Variants in PPIP5K2 observed in about 807,000 individuals in gnomAD.
The protein encoded by PPIP5K2 is inositol hexakisphosphate and diphosphoinositol-pentakisphosphate kinase 2.
Under a neutral mutation model 154.6 loss-of-function variants are expected in PPIP5K2, and 105 were observed. The observed-to-expected ratio is 0.68, with a 90% CI of 0.58 to 0.80. The LOEUF (loss-of-function observed/expected upper bound fraction) is 0.80. PPIP5K2 is among the 30% of genes least tolerant of loss of function. PPIP5K2 has a pLI of 0.00. For missense variants in PPIP5K2, 992 were observed against 1,504.6 expected, an observed-to-expected ratio of 0.66 and a Z score of 5.64; for synonymous variants, 480 against 490.3, an observed-to-expected ratio of 0.98 and a Z score of 0.28.
intron 1 of PPIP5K2, among the ~76,000 whole-genome samples, chr5:103,126,372 T>C (rs2149440295): frequency 6.6e-6 from 1 of 152,058 alleles, no homozygotes; most frequent in East Asian, 1.9e-4. Context: ...TTCATACCCT[T>C]GGGAAAAAAA....
chr5:103,176,230 C>A (rs1049478037), intron 21 of PPIP5K2, among the ~76,000 whole-genome samples: 1 of 151,852 alleles, frequency 6.6e-6, no homozygotes, highest in African/African-American at 2.4e-5. Flanking sequence ...TTAGAGAAGA[C>A]CTAGCAAAAT....
rs1172392531 is a variant in PPIP5K2, at chr5:103,205,739, A to C, written c.*4105A>C. 3 of 152,182 alleles carry C rather than the reference A, an allele frequency of 2.0e-5. No homozygotes were observed. Among genetic ancestry groups the C allele is most frequent in the African/African-American group, 7.2e-5 (3 of 41,450 alleles). 9.4% of individuals were successfully genotyped at this position (152,182 alleles called of 1,614,324 possible). On this transcript the variant is annotated 3_prime_UTR_variant, in exon 31 of 31. Coordinates refer to ENST00000358359, the MANE Select transcript of PPIP5K2 (RefSeq NM_001276277.3). Reference sequence around the variant, plus strand: ...TATGTTTTCTGGTGCATATAAATTCATGAATGCTAGATTTTCATTATAGGT... The same window carrying C: ...TATGTTTTCTGGTGCATATAAATTCCTGAATGCTAGATTTTCATTATAGGT...
At chr5:103,183,551 T>A in intron 25 of PPIP5K2, 144 bp downstream of exon 25, 1 of 670,962 alleles carries the variant, frequency 1.5e-6, no homozygotes. Context: ...TAAAAATACT[T>A]AATGATATCT....
chr5:103,167,139 G>A (rs1797258124), intron 17 of PPIP5K2, 40 bp from the exon 18 acceptor site: 5 of 1,413,904 alleles, frequency 3.5e-6, no homozygotes, highest in Admixed American at 2.4e-5. Context: ...AGACAATTAG[G>A]CATAACCAGA....
At chr5:103,162,672 T>A (rs1252251943) in intron 17 of PPIP5K2, among the ~76,000 whole-genome samples, 2 of 152,172 alleles carry the variant, frequency 1.3e-5, no homozygotes, top group Non-Finnish European at 2.9e-5. Flanking sequence ...CAATAATATC[T>A]TTTGATAAGC....
chr5:103,197,860 G>C (rs1392853712), intron 30 of PPIP5K2, among the ~76,000 whole-genome samples: 3 of 151,534 alleles, frequency 2.0e-5, no homozygotes, highest in Non-Finnish European at 4.4e-5. Context: ...TTACAGGTGT[G>C]AGCCACCGCA....
At chr5:103,158,036 A>G (rs933138994) in intron 14 of PPIP5K2, 152 bp from the exon 15 acceptor site, 1 of 773,968 alleles carries the variant, frequency 1.3e-6, no homozygotes, top group Non-Finnish European at 2.0e-6. Flanking sequence ...AACGGCATTA[A>G]GGAACATACA....
At chr5:103,121,241 A>G (rs1167451455) in intron 1 of PPIP5K2, among the ~76,000 whole-genome samples, 3 of 152,214 alleles carry the variant, frequency 2.0e-5, no homozygotes, top group African/African-American at 7.2e-5. Context: ...AATGAAATAG[A>G]TAATTTTTTT....
At chr5:103,188,903 A>G (rs1338866901) in intron 28 of PPIP5K2, 1 of 337,504 alleles carries the variant, frequency 3.0e-6, no homozygotes, top group Admixed American at 4.7e-5. Flanking sequence ...AATGCACATA[A>G]GGTGCATTCT....
At chr5:103,195,992 A>T (rs1554228398) in intron 30 of PPIP5K2, among the ~76,000 whole-genome samples, 1 of 152,188 alleles carries the variant, frequency 6.6e-6, no homozygotes, top group South Asian at 2.1e-4. Flanking sequence ...TCGGGTTAAT[A>T]GTACCTTCTT....
chr5:103,145,614 T>C lies in PPIP5K2; in HGVS notation c.488-913T>C, dbSNP rs1379948528. Among the ~76,000 whole-genome samples, 3 of 151,970 alleles carry C rather than the reference T, an allele frequency of 2.0e-5. No individual in the cohort carries two copies. The East Asian group carries it at 5.8e-4, about 29-fold the overall frequency. Reference sequence around the variant, plus strand: ...AACATGGATGGAACTGGAGGTCTTATGTTAAGTGAAATAAGCCAGGCAAGA... The same window carrying C: ...AACATGGATGGAACTGGAGGTCTTACGTTAAGTGAAATAAGCCAGGCAAGA... On this transcript the variant is annotated intron_variant, in intron 5 of 30. Transcript: ENST00000358359.
rs1356244326 is a variant in PPIP5K2 at position 103,207,591 on chromosome 5, T to G, written c.*5957T>G. 6 of 151,982 alleles carry G rather than the reference T, an allele frequency of 3.9e-5. No individual in the cohort carries two copies. Among genetic ancestry groups the G allele is most frequent in the East Asian group, 1.9e-4 (1 of 5,200 alleles). The allele number at this position is 151,982 out of a possible 1,614,324, so 9.4% of individuals were successfully genotyped here. A position where few individuals can be genotyped will look rare whatever the true frequency, so the allele number is the denominator to read the frequency against. ...ATTTTAAAGTCTATATATATATATA[T>G]ATAGATCCTATCTGTTGACTCCTTG... is the stretch of plus-strand genomic sequence containing the variant. On this transcript the variant is annotated 3_prime_UTR_variant, in exon 31 of 31. Coordinates refer to ENST00000358359, the MANE Select transcript of PPIP5K2 (RefSeq NM_001276277.3).
At chr5:103,141,071 C>T (rs536503607) in intron 5 of PPIP5K2, among the ~76,000 whole-genome samples, 3 of 152,042 alleles carry the variant, frequency 2.0e-5, no homozygotes, top group African/African-American at 4.8e-5. Flanking sequence ...CAGTGGCTCA[C>T]GTCTGTAATC....
At chr5:103,188,386 T>G (rs1800723229) in intron 28 of PPIP5K2, among the ~76,000 whole-genome samples, 2 of 152,138 alleles carry the variant, frequency 1.3e-5, no homozygotes, top group African/African-American at 2.4e-5. Context: ...GCTAAAGGAT[T>G]CAACACAAGT....
At chr5:103,190,774 CCTTT>C (rs767553115) in intron 28 of PPIP5K2, 64 bp from the exon 29 acceptor site, 10 of 1,410,976 alleles carry the variant, frequency 7.1e-6, no homozygotes, top group Admixed American at 2.5e-5. Context: ...CAGTAGTCTT[CCTTT>C]CTAATTACTG....
intron 3 of PPIP5K2, among the ~76,000 whole-genome samples, chr5:103,136,449 C>A (rs1384794144): frequency 2.6e-5 from 4 of 152,136 alleles, no homozygotes; most frequent in African/African-American, 9.7e-5. Context: ...GTGAATCTTA[C>A]CTTATTTCAG....
rs1803545555 is a variant in PPIP5K2 at position 103,206,904 on chromosome 5, G to A, written c.*5270G>A. On this transcript the variant is annotated 3_prime_UTR_variant, in exon 31 of 31. Transcript: ENST00000358359. ...TCAAGGACTGCGGACAGGGAGCAGG[G>A]AAGGGTTAGAAGTAGAAAACAACTG... 1 of 152,290 alleles carries A rather than the reference G, an allele frequency of 6.6e-6. No individual in the cohort carries two copies. The highest frequency in any genetic ancestry group is 2.1e-4 in the South Asian group (1 of 4,828). The allele number at this position is 152,290 out of a possible 1,614,324, so 9.4% of individuals were successfully genotyped here. A position where few individuals can be genotyped will look rare whatever the true frequency, so the allele number is the denominator to read the frequency against.
At chr5:103,143,187 A>G (rs890065632) in intron 5 of PPIP5K2, among the ~76,000 whole-genome samples, 4 of 152,232 alleles carry the variant, frequency 2.6e-5, no homozygotes, top group Admixed American at 1.3e-4. Flanking sequence ...AAAACATACT[A>G]CCAGAGAGAA....
intron 4 of PPIP5K2, 123 bp from the exon 5 acceptor site, chr5:103,138,260 AG>A: frequency 2.3e-6 from 1 of 427,436 alleles, no homozygotes; most frequent in Non-Finnish European, 4.0e-6. Flanking sequence ...AAAAATAAAA[AG>A]TGTTGAGATA....
Sources: gnomAD v4.1 joint callset for allele counts (sites outside exome capture counted in the v4.1 genomes callset) on GRCh38, gnomAD v4.1.1 for gene constraint, MANE v1.5 for transcripts, NCBI Gene and HGNC (gene_info 2026-07-23, HGNC 2026-07-21) for gene names.